SHANK1: variants seen among roughly 807,000 people sequenced by gnomAD.
SHANK1 encodes the protein SH3 and multiple ankyrin repeat domains 1, also known as SH3 and multiple ankyrin repeat domains protein 1.
A neutral mutation model predicts 165.6 loss-of-function variants in SHANK1; 35 were observed. That is an observed-to-expected ratio of 0.21 (90% CI 0.16 to 0.28). The LOEUF (loss-of-function observed/expected upper bound fraction) is 0.28, where lower values mean the gene tolerates loss of function less well. Among genes scored for constraint, SHANK1 ranks in the 10% least tolerant of loss-of-function variants. The pLI is 1.00. For synonymous variants in SHANK1, 1,428 were observed against 1,384.8 expected, an observed-to-expected ratio of 1.03 and a Z score of -0.69; for missense variants, 2,681 against 3,036.4, an observed-to-expected ratio of 0.88 and a Z score of 2.75.
chr19:50,687,794 C>A, intron 18 of SHANK1, 129 bp downstream of exon 18: 4 of 1,397,378 alleles, frequency 2.9e-6, no homozygotes, highest in South Asian at 1.4e-5. Flanking sequence ...CTCAGTTTCT[C>A]CCCACAAGGG....
In SHANK1 at chr19:50,686,540, T is replaced by C. The variant is rs1378471494; in HGVS notation, c.2459-185A>G. On this transcript the variant is annotated intron_variant, in intron 20 of 23. Transcript: ENST00000293441. This position sits in a 1 kb window ranked among gnomAD's most constrained non-coding sequence, Gnocchi z 5.7. The stretch of plus-strand genomic sequence containing the variant: ...TTGGAGACACAATCTCCCAGCCCAG[T>C]GGGCAGCACCCAGGGTGGGAAGGGG... 6.8e-6 allele frequency among the ~76,000 whole-genome samples: 1 copy of C among 147,168 alleles called. No homozygotes were observed. Among genetic ancestry groups the C allele is most frequent in the Non-Finnish European group, 1.5e-5 (1 of 66,746 alleles).
In SHANK1 at chr19:50,718,043, A is replaced by C. The variant is rs10404678; in HGVS notation, c.-43-1081T>G. ...AATGTCTGGTCTGGTCCCTCCCCCC[A>C]ACACCAGGCCCGGTTCCTGCACCGT... On this transcript the variant is annotated intron_variant, in intron 1 of 23. Coordinates refer to ENST00000293441, the MANE Select transcript of SHANK1 (RefSeq NM_016148.5). The surrounding 1 kb of genome is among the most constrained non-coding windows in gnomAD (Gnocchi z 5.1). 0.19 allele frequency among the ~76,000 whole-genome samples: 29,325 copies of C among 151,886 alleles called. 3,545 individuals carry two copies. The highest frequency in any genetic ancestry group is 0.33 in the African/African-American group (13,712 of 41,380).
At chr19:50,677,858 G>A (rs1219235955) in intron 21 of SHANK1, among the ~76,000 whole-genome samples, 1 of 152,190 alleles carries the variant, frequency 6.6e-6, no homozygotes, top group African/African-American at 2.4e-5. Context: ...TTCTCAGCCT[G>A]CTCAATCCTT....
At chr19:50,714,149 C>G (rs541611856) in intron 5 of SHANK1, 33 bp downstream of exon 5, 1 of 1,598,306 alleles carries the variant, frequency 6.3e-7, no homozygotes, top group South Asian at 1.1e-5. Flanking sequence ...CTGTCCTGGC[C>G]CTGAGGTCCT....
chr19:50,693,844 C>A (rs1986626246), intron 15 of SHANK1, among the ~76,000 whole-genome samples: 1 of 152,132 alleles, frequency 6.6e-6, no homozygotes, highest in Non-Finnish European at 1.5e-5. Flanking sequence ...TCAAGTACTC[C>A]TGACATGCAC....
At chr19:50,711,849 T>C in intron 7 of SHANK1, 98 bp downstream of exon 7, 2 of 1,357,174 alleles carry the variant, frequency 1.5e-6, no homozygotes, top group South Asian at 2.4e-5. Context: ...CCCCATGCTC[T>C]GTGAGGACCC....
At position 50,704,055 on chromosome 19, in the gene SHANK1, C is replaced by T. The variant is rs924461199; in HGVS notation, c.1222+65G>A. ...CCCCAAGTCAGGTCCCCCAACTCCCCCATCCCACCATGAAACCTCAACCGC... is the reference window on the plus strand; with the variant it reads ...CCCCAAGTCAGGTCCCCCAACTCCCTCATCCCACCATGAAACCTCAACCGC... On this transcript the variant is annotated intron_variant, in intron 10 of 23. Coordinates refer to ENST00000293441, the MANE Select transcript of SHANK1 (RefSeq NM_016148.5). 10 of 1,527,200 alleles carry T rather than the reference C, an allele frequency of 6.5e-6. No individual in the cohort carries two copies. In the Admixed American group the frequency reaches 1.7e-4, roughly 26 times the overall value. 94.6% of individuals were successfully genotyped at this position (1,527,200 alleles called of 1,614,324 possible). A position where few individuals can be genotyped will look rare whatever the true frequency, so the allele number is the denominator to read the frequency against.
At chr19:50,699,992 C>T (rs1285431463) in intron 12 of SHANK1, among the ~76,000 whole-genome samples, 2 of 77,074 alleles carry the variant, frequency 2.6e-5, no homozygotes, top group African/African-American at 1.2e-4. Flanking sequence ...TTGGAGGGAT[C>T]GGGGCATTGG....
At chr19:50,679,464 A>G (rs73598617) in intron 21 of SHANK1, among the ~76,000 whole-genome samples, 5,596 of 152,204 alleles carry the variant, frequency 0.037, 307 homozygotes, top group East Asian at 0.12. Context: ...CTGATGGGGC[A>G]TCGCACTGAC....
At chr19:50,682,434 C>T (rs191568608) in intron 21 of SHANK1, among the ~76,000 whole-genome samples, 12 of 152,306 alleles carry the variant, frequency 7.9e-5, no homozygotes, top group Admixed American at 7.9e-4. Context: ...ATGGAACCCT[C>T]ATAAGAACTG....
At chr19:50,681,924 T>G (rs1986193057) in intron 21 of SHANK1, among the ~76,000 whole-genome samples, 1 of 152,096 alleles carries the variant, frequency 6.6e-6, no homozygotes, top group African/African-American at 2.4e-5. Flanking sequence ...TTAAATATTT[T>G]GTAGAGACAG....
Position 50,717,659 on chromosome 19 carries a change from G to A in SHANK1, c.-43-697C>T, listed in dbSNP as rs912618319. Among the ~76,000 whole-genome samples, 2 of 152,170 alleles carry A rather than the reference G, an allele frequency of 1.3e-5. No individual in the cohort carries two copies. Among genetic ancestry groups the A allele is most frequent in the African/African-American group, 4.8e-5 (2 of 41,438 alleles). On this transcript the variant is annotated intron_variant, in intron 1 of 23. Coordinates refer to ENST00000293441, the MANE Select transcript of SHANK1 (RefSeq NM_016148.5). This position sits in a 1 kb window ranked among gnomAD's most constrained non-coding sequence, Gnocchi z 5.5. Reference sequence around the variant, plus strand: ...CCACAAGAGGTGGCTTTTGGAGACTGGGGCATCTTGAGAGGGTGTGCGGGT... The same window carrying A: ...CCACAAGAGGTGGCTTTTGGAGACTAGGGCATCTTGAGAGGGTGTGCGGGT...
At chr19:50,674,619 C>T (rs1036484026) in intron 21 of SHANK1, among the ~76,000 whole-genome samples, 2 of 152,138 alleles carry the variant, frequency 1.3e-5, no homozygotes, top group African/African-American at 2.4e-5. Flanking sequence ...CAGTGCCCCC[C>T]TAGAGCAGCC....
Position 50,668,575 on chromosome 19 carries a change from C to G in SHANK1, c.3385G>C (p.Ala1129Pro). 2 of 1,336,746 alleles carry G rather than the reference C, an allele frequency of 1.5e-6. No individual in the cohort carries two copies. Among genetic ancestry groups the G allele is most frequent in the Non-Finnish European group, 1.9e-6 (2 of 1,042,638 alleles). 82.8% of individuals were successfully genotyped at this position (1,336,746 alleles called of 1,614,324 possible). ...EPQKGGGLPP[A>P]PSPTSPASPQ... is the part of the protein sequence containing the mutation. ...GAGGCCGGGGACGTGGGCGACGGCG[C>G]GGGCGGGAGGCCGCCGCCCTTCTGG... Residue 1129 changes from alanine to proline, a missense_variant, in exon 23 of 24, where the codon GCG becomes CCG. By Grantham distance (27) the Ala-to-Pro change is conservative. Around this residue, in one of 10 missense-constraint regions of SHANK1, gnomAD observed 1,713 missense variants for 1,630.2 expected, o/e 1.05. Transcript: ENST00000293441.
At chr19:50,684,318 C>T (rs552231746) in intron 21 of SHANK1, among the ~76,000 whole-genome samples, 12 of 152,112 alleles carry the variant, frequency 7.9e-5, no homozygotes, top group East Asian at 3.9e-4. Flanking sequence ...CCCCGCCTCG[C>T]GGGTTCAAGC....
intron 21 of SHANK1, among the ~76,000 whole-genome samples, chr19:50,683,800 G>A (rs768647251): frequency 1.3e-5 from 2 of 152,146 alleles, no homozygotes; most frequent in African/African-American, 2.4e-5. Context: ...AAAGCCCTTC[G>A]CGTATTGATT....
chr19:50,683,629 A>C (rs1209683338), intron 21 of SHANK1, among the ~76,000 whole-genome samples: 2 of 152,188 alleles, frequency 1.3e-5, no homozygotes, highest in Non-Finnish European at 2.9e-5. Context: ...TAAAAGGCCC[A>C]AAGATGCAAA....
chr19:50,668,840 A>C lies in SHANK1; in HGVS notation c.3120T>G (p.Ala1040=). 7.9e-7 allele frequency: 1 copy of C among 1,273,794 alleles called. No individual in the cohort carries two copies. Among genetic ancestry groups the C allele is most frequent in the South Asian group, 3.0e-5 (1 of 32,824 alleles). 78.9% of individuals were successfully genotyped at this position (1,273,794 alleles called of 1,614,324 possible). The change falls in exon 23 of 24, where the codon GCT becomes GCG. Residue 1040 remains alanine, a synonymous_variant. Transcript: ENST00000293441. ...GSPDDPPPRL[A]LGPQPSLRGW... ...CTCGCAGGCTGGGCTGGGGCCCCAG[A>C]GCCAGGCGGGGTGGAGGGTCGTCGG...
chr19:50,694,022 CA>C (rs1555743668), intron 15 of SHANK1, among the ~76,000 whole-genome samples: 2 of 27,552 alleles, frequency 7.3e-5, no homozygotes, highest in South Asian at 1.4e-3. Flanking sequence ...GCACACACCA[CA>C]CACACACACA....
Sources: gnomAD v4.1 joint callset for allele counts (sites outside exome capture counted in the v4.1 genomes callset) on GRCh38, gnomAD v4.1.1 for gene constraint, gnomAD v4.1.1 regional missense constraint, Gnocchi (gnomAD v3.1) non-coding constraint, MANE v1.5 for transcripts, NCBI Gene and HGNC (gene_info 2026-07-23, HGNC 2026-07-21) for gene names.